The following DLC1 variants were observed in gnomAD, a reference collection of about 807,000 sequenced individuals.
DLC1 encodes the protein rho GTPase-activating protein 7.
Under a neutral mutation model 140.3 loss-of-function variants are expected in DLC1, and 54 were observed. The ratio of observed to expected loss-of-function variants is 0.38; its 90% CI spans 0.31 to 0.48. The LOEUF (loss-of-function observed/expected upper bound fraction) is 0.48, where lower values mean the gene tolerates loss of function less well. Among genes scored for constraint, DLC1 ranks in the 20% least tolerant of loss-of-function variants. The pLI, the probability that DLC1 is intolerant of heterozygous loss-of-function variation, is 0.96. For synonymous variants in DLC1, 986 were observed against 728.1 expected, an observed-to-expected ratio of 1.35 and a Z score of -5.70; for missense variants, 2,536 against 1,907.0, an observed-to-expected ratio of 1.33 and a Z score of -6.14.
chr8:13,332,704 C>G (rs527772136), intron 4 of DLC1, among the ~76,000 whole-genome samples: 7 of 152,214 alleles, frequency 4.6e-5, no homozygotes, highest in African/African-American at 1.7e-4. Context: ...GAGACGTGAG[C>G]CACCATGTCT....
chr8:13,413,672 G>C (rs955968407), intron 2 of DLC1, among the ~76,000 whole-genome samples: 2 of 152,008 alleles, frequency 1.3e-5, no homozygotes, highest in Non-Finnish European at 2.9e-5. Context: ...GATAGTGCTT[G>C]ACTTCTCACA....
At chr8:13,396,337 A>G (rs289568) in intron 3 of DLC1, among the ~76,000 whole-genome samples, 131,314 of 152,126 alleles carry the variant, frequency 0.86, 56,738 homozygotes, top group East Asian at 0.98. Flanking sequence ...GAGATTACAG[A>G]CGTGAGCTGC....
At chr8:13,087,536 T>A (rs1484458330) in intron 16 of DLC1, among the ~76,000 whole-genome samples, 2 of 152,208 alleles carry the variant, frequency 1.3e-5, no homozygotes, top group African/African-American at 2.4e-5. Flanking sequence ...TAGAGCAGCA[T>A]TACATGCACG....
intron 1 of DLC1, among the ~76,000 whole-genome samples, chr8:13,578,148 C>T (rs1233141789): frequency 6.6e-6 from 1 of 152,058 alleles, no homozygotes; most frequent in Non-Finnish European, 1.5e-5. Context: ...GTCACTTTGA[C>T]CTTCAGTAAC....
chr8:13,349,147 G>C (rs973276846), intron 4 of DLC1, among the ~76,000 whole-genome samples: 1 of 152,102 alleles, frequency 6.6e-6, no homozygotes, highest in Non-Finnish European at 1.5e-5. Flanking sequence ...AAGGATGTTG[G>C]GCAGAGCTGA....
intron 2 of DLC1, among the ~76,000 whole-genome samples, chr8:13,494,782 G>A (rs748691471): frequency 1.3e-5 from 2 of 151,944 alleles, no homozygotes; most frequent in African/African-American, 4.8e-5. Flanking sequence ...GAAACCCCAT[G>A]TCTACTAAAA....
At chr8:13,351,272 A>C (rs1586186331) in intron 4 of DLC1, among the ~76,000 whole-genome samples, 2 of 152,224 alleles carry the variant, frequency 1.3e-5, no homozygotes, top group East Asian at 3.8e-4. Flanking sequence ...TATTATCCTC[A>C]TGTTATAGAT....
At chr8:13,357,235 C>T (rs773383098) in intron 4 of DLC1, among the ~76,000 whole-genome samples, 1 of 152,044 alleles carries the variant, frequency 6.6e-6, no homozygotes, top group Non-Finnish European at 1.5e-5. Context: ...TGTACCACTG[C>T]ACTCCAGCCT....
chr8:13,335,088 C>G (rs1833764986), intron 4 of DLC1, among the ~76,000 whole-genome samples: 1 of 152,120 alleles, frequency 6.6e-6, no homozygotes, highest in Non-Finnish European at 1.5e-5. Context: ...TGCAGGTATA[C>G]ATTTTAGAAT....
chr8:13,133,069 C>T lies in DLC1; in HGVS notation c.1349-17412G>A, dbSNP rs1186473900. 3.9e-5 allele frequency: 60 copies of T among 1,548,982 alleles called. No individual in the cohort carries two copies. The Admixed American group carries it at 5.2e-4, about 13-fold the overall frequency. ...TTCCGCGTCGGGACCCACGGCGGCA[C>T]CCGAGACGCGCGCCCTCGCGGTCCT... On this transcript the variant is annotated intron_variant, in intron 5 of 17. Transcript: ENST00000276297.
intron 1 of DLC1, among the ~76,000 whole-genome samples, chr8:13,525,888 A>T (rs1802907621): frequency 6.6e-6 from 1 of 152,176 alleles, no homozygotes; most frequent in African/African-American, 2.4e-5. Context: ...TGGCAAAAAG[A>T]TCTCTGCCTA....
chr8:13,191,484 C>G (rs927303761), intron 5 of DLC1, among the ~76,000 whole-genome samples: 1 of 151,904 alleles, frequency 6.6e-6, no homozygotes, highest in Non-Finnish European at 1.5e-5. Context: ...GAGCAAAACT[C>G]TGTCTCAAAA....
intron 4 of DLC1, among the ~76,000 whole-genome samples, chr8:13,307,246 C>T (rs915564201): frequency 1.2e-4 from 18 of 152,200 alleles, no homozygotes; most frequent in African/African-American, 3.6e-4. Context: ...AAGATGCAGA[C>T]GTATAGATTA....
intron 2 of DLC1, among the ~76,000 whole-genome samples, chr8:13,460,373 T>A (rs1799604848): frequency 6.6e-6 from 1 of 152,258 alleles, no homozygotes. Context: ...AAAAGACTTC[T>A]GTACAGATTC....
chr8:13,271,481 G>A (rs566830988), intron 5 of DLC1, among the ~76,000 whole-genome samples: 1 of 152,256 alleles, frequency 6.6e-6, no homozygotes, highest in Admixed American at 6.5e-5. Context: ...CTCATCAGCT[G>A]CAATGTAAAA....
intron 5 of DLC1, among the ~76,000 whole-genome samples, chr8:13,283,929 T>C (rs1831454268): frequency 6.6e-6 from 1 of 151,702 alleles, no homozygotes; most frequent in Non-Finnish European, 1.5e-5. Flanking sequence ...TGCAGAGGGG[T>C]CTTCCCAAGC....
chr8:13,174,124 G>C (rs1160143749), intron 5 of DLC1, among the ~76,000 whole-genome samples: 1 of 152,074 alleles, frequency 6.6e-6, no homozygotes, highest in African/African-American at 2.4e-5. Flanking sequence ...TTGGTTTTCT[G>C]TTCCTGCATT....
intron 1 of DLC1, among the ~76,000 whole-genome samples, chr8:13,583,673 A>G (rs1438284337): frequency 1.3e-5 from 2 of 152,192 alleles, no homozygotes; most frequent in East Asian, 3.9e-4. Context: ...ACAAAGACAA[A>G]CCTATTAATT....
intron 5 of DLC1, among the ~76,000 whole-genome samples, chr8:13,236,465 T>A (rs1233317902): frequency 6.6e-6 from 1 of 152,158 alleles, no homozygotes; most frequent in Non-Finnish European, 1.5e-5. Context: ...TATTCACTAA[T>A]TAGCCTATCA....
Sources: gnomAD v4.1 joint callset for allele counts (sites outside exome capture counted in the v4.1 genomes callset) on GRCh38, gnomAD v4.1.1 for gene constraint, MANE v1.5 for transcripts, NCBI Gene and HGNC (gene_info 2026-07-23, HGNC 2026-07-21) for gene names.